Variants in TRPC5 observed in about 807,000 individuals in gnomAD.
TRPC5 encodes transient receptor potential cation channel subfamily C member 5, also known as short transient receptor potential channel 5.
In TRPC5, 9 loss-of-function variants were observed where a neutral mutation model predicts 56.5. The ratio of observed to expected loss-of-function variants is 0.16; its 90% CI spans 0.10 to 0.28. TRPC5 has a LOEUF of 0.28. Among genes scored for constraint, TRPC5 ranks in the 10% least tolerant of loss-of-function variants. The pLI, the probability that TRPC5 is intolerant of heterozygous loss-of-function variation, is 1.00. For missense variants in TRPC5, 469 were observed against 748.9 expected, an observed-to-expected ratio of 0.63 and a Z score of 4.36; for synonymous variants, 282 against 278.5, an observed-to-expected ratio of 1.01 and a Z score of -0.13.
At position 111,926,694 on chromosome X, in the gene TRPC5, G is replaced by A. The variant is rs771035047; in HGVS notation, c.379-13882C>T. 4.4e-5 allele frequency among the ~76,000 whole-genome samples: 5 copies of A among 112,376 alleles called. No individual in the cohort carries two copies. In the Admixed American group the frequency reaches 4.7e-4, roughly 11 times the overall value. The stretch of plus-strand genomic sequence containing the variant: ...TTATCTCCTTTATGAGGTAGGAGTT[G>A]CCACTATTCATATTTCATGGATAAG... On this transcript the variant is annotated intron_variant, in intron 2 of 10. Transcript: ENST00000262839.
intron 1 of TRPC5, among the ~76,000 whole-genome samples, chrX:112,062,193 G>A (rs1012952789): frequency 9.0e-6 from 1 of 111,500 alleles, no homozygotes; most frequent in Non-Finnish European, 1.9e-5. Context: ...ATTTCTGACT[G>A]GAAATATGCT....
intron 3 of TRPC5, among the ~76,000 whole-genome samples, chrX:111,860,701 T>C (rs1270671560): frequency 8.9e-6 from 1 of 112,517 alleles, no homozygotes; most frequent in African/African-American, 3.2e-5. Flanking sequence ...TAATAGCACA[T>C]ATTCAGACAT....
chrX:111,991,498 T>G (rs1382482185), intron 1 of TRPC5, among the ~76,000 whole-genome samples: 2 of 108,030 alleles, frequency 1.9e-5, no homozygotes. Context: ...AAGGCTCAGA[T>G]GTTCATACAA....
At chrX:111,826,064 A>T (rs1031517012) in intron 7 of TRPC5, among the ~76,000 whole-genome samples, 6 of 112,285 alleles carry the variant, frequency 5.3e-5, no homozygotes, top group African/African-American at 1.9e-4. Context: ...TATTTTACAG[A>T]GAAGTCAAAT....
intron 1 of TRPC5, among the ~76,000 whole-genome samples, chrX:112,079,889 T>C (rs1930921221): frequency 9.0e-6 from 1 of 111,370 alleles, no homozygotes; most frequent in African/African-American, 3.3e-5. Context: ...CATCAGGACT[T>C]ACCTCAACAG....
chrX:111,972,242 T>C (rs1428275246), intron 1 of TRPC5, among the ~76,000 whole-genome samples: 1 of 111,883 alleles, frequency 8.9e-6, no homozygotes, highest in Non-Finnish European at 1.9e-5. Context: ...CAATCCTTTT[T>C]AGTGACAGAG....
At chrX:111,931,877 A>T (rs1325494204) in intron 2 of TRPC5, among the ~76,000 whole-genome samples, 1 of 111,907 alleles carries the variant, frequency 8.9e-6, no homozygotes, top group Non-Finnish European at 1.9e-5. Flanking sequence ...ATCGAATAAG[A>T]TAATGCATGT....
At position 111,966,839 on chromosome X, in the gene TRPC5, A is replaced by C. The variant is rs753638451; in HGVS notation, c.-21-14398T>G. On this transcript the variant is annotated intron_variant, in intron 1 of 10. Transcript: ENST00000262839. ...TTGATGGGACGTATCTCAAAATAAT[A>C]AGAGCTATCTGTGACAAACCCGCAG... 3.8e-3 allele frequency among the ~76,000 whole-genome samples: 431 copies of C among 112,169 alleles called. 2 individuals are homozygous for C. The highest frequency in any genetic ancestry group is 0.013 in the African/African-American group (409 of 30,818).
chrX:111,994,237 C>A (rs1406399872), intron 1 of TRPC5, among the ~76,000 whole-genome samples: 5 of 110,949 alleles, frequency 4.5e-5, no homozygotes, highest in Admixed American at 3.9e-4. Context: ...ATTTCTGAGG[C>A]CTCTGTTCTG....
chrX:111,856,896 G>C (rs150214573), intron 3 of TRPC5, among the ~76,000 whole-genome samples: 1 of 109,374 alleles, frequency 9.1e-6, no homozygotes, highest in Non-Finnish European at 1.9e-5. Flanking sequence ...GTGTGTGTGC[G>C]TATGTAAAGT....
chrX:111,948,598 G>A (rs767672726), intron 2 of TRPC5, among the ~76,000 whole-genome samples: 6 of 109,609 alleles, frequency 5.5e-5, no homozygotes, highest in African/African-American at 1.3e-4. Flanking sequence ...CAGGCGTGGC[G>A]GTGTGCACCT....
chrX:111,924,451 C>T (rs978110268), intron 2 of TRPC5, among the ~76,000 whole-genome samples: 2 of 107,980 alleles, frequency 1.9e-5, no homozygotes, highest in African/African-American at 3.4e-5. Flanking sequence ...AGTAGCCTCA[C>T]GGTAAGGAGA....
At chrX:111,856,819 CAA>C (rs59633997) in intron 3 of TRPC5, among the ~76,000 whole-genome samples, 5 of 36,043 alleles carry the variant, frequency 1.4e-4, no homozygotes, top group Non-Finnish European at 1.1e-4. Context: ...ACTCCATCTC[CAA>C]AAAAAAAAAA....
intron 1 of TRPC5, among the ~76,000 whole-genome samples, chrX:112,016,349 T>C (rs1241692641): frequency 6.6e-5 from 7 of 106,637 alleles, no homozygotes; most frequent in African/African-American, 2.1e-4. Flanking sequence ...GAAGCACCTC[T>C]GGAAGGTTGG....
At chrX:111,917,306 A>G (rs1272133762) in intron 2 of TRPC5, among the ~76,000 whole-genome samples, 1 of 112,506 alleles carries the variant, frequency 8.9e-6, no homozygotes, top group African/African-American at 3.2e-5. Flanking sequence ...GTGTTTCAGA[A>G]TAAGACTAAT....
intron 1 of TRPC5, among the ~76,000 whole-genome samples, chrX:112,000,177 A>G (rs1019945854): frequency 3.6e-5 from 4 of 111,608 alleles, no homozygotes; most frequent in African/African-American, 1.3e-4. Flanking sequence ...TAGAATCACC[A>G]GCAGATTTCT....
intron 1 of TRPC5, among the ~76,000 whole-genome samples, chrX:112,054,802 C>T (rs146608068): frequency 1.8e-5 from 2 of 111,619 alleles, no homozygotes; most frequent in African/African-American, 6.5e-5. Flanking sequence ...TGAAAATCCT[C>T]CCCATTATTC....
At chrX:111,790,061 A>G (rs1322566360) in intron 7 of TRPC5, among the ~76,000 whole-genome samples, 1 of 112,224 alleles carries the variant, frequency 8.9e-6, no homozygotes, top group Non-Finnish European at 1.9e-5. Flanking sequence ...ACTACTGGGT[A>G]TATACCCAAA....
chrX:111,927,253 T>TTGCCAAAATGTCCCCCTTGGGGACAA (rs776793286), intron 2 of TRPC5, among the ~76,000 whole-genome samples: 18 of 112,241 alleles, frequency 1.6e-4, no homozygotes, highest in Non-Finnish European at 3.2e-4. Context: ...TCTCTAGACA[T>TTGCCAAAATGTCCCCCTTGGGGACAA]TGCCAAAATG....
Sources: allele counts gnomAD v4.1 joint callset (sites outside exome capture counted in the v4.1 genomes callset), GRCh38; gene constraint gnomAD v4.1.1; transcripts MANE v1.5; gene names NCBI Gene and HGNC (gene_info 2026-07-23, HGNC 2026-07-21).